Variants in TNPO1 observed in about 807,000 individuals in gnomAD.
The protein encoded by TNPO1 is transportin-1.
Under a neutral mutation model 119.5 loss-of-function variants are expected in TNPO1, and 8 were observed. The observed-to-expected ratio is 0.07, with a 90% CI of 0.04 to 0.12. TNPO1 has a LOEUF of 0.12. Among genes scored for constraint, TNPO1 ranks in the 10% least tolerant of loss-of-function variants. The pLI is 1.00. For synonymous variants in TNPO1, 362 were observed against 363.0 expected, an observed-to-expected ratio of 1.00 and a Z score of 0.03; for missense variants, 576 against 1,089.8, an observed-to-expected ratio of 0.53 and a Z score of 6.64.
At chr5:72,864,769 C>G (rs1163227677) in intron 5 of TNPO1, among the ~76,000 whole-genome samples, 1 of 151,996 alleles carries the variant, frequency 6.6e-6, no homozygotes, top group African/African-American at 2.4e-5. Context: ...CCACCACGCC[C>G]AGCTAATTTT....
Position 72,906,741 on chromosome 5 carries a change from T to C in TNPO1, c.*35+1296T>C, listed in dbSNP as rs139498482. Among the ~76,000 whole-genome samples the C allele has an allele frequency of 2.0e-3, 304 of 152,340 alleles. 3 individuals carry two copies. Among genetic ancestry groups the C allele is most frequent in the African/African-American group, 7.0e-3 (293 of 41,564 alleles). On this transcript the variant is annotated intron_variant, in intron 24 of 24. Transcript: ENST00000337273. ...GAGCTTCGGTTTTGTCATTGAGTTA[T>C]GTTGAGGATTAAATACTATACTGTA...
intron 4 of TNPO1, among the ~76,000 whole-genome samples, chr5:72,857,046 C>T (rs1018148912): frequency 6.6e-6 from 1 of 152,126 alleles, no homozygotes; most frequent in Admixed American, 6.6e-5. Flanking sequence ...CCTGACTGGG[C>T]ACGATGGCTC....
chr5:72,848,126 A>G (rs934107052), intron 1 of TNPO1: 11 of 1,165,294 alleles, frequency 9.4e-6, no homozygotes, highest in Non-Finnish European at 1.2e-5. Flanking sequence ...GCGGTGACTC[A>G]GTCTGGTCGG....
intron 9 of TNPO1, 81 bp downstream of exon 9, chr5:72,877,427 ATTC>A (rs1747878010): frequency 1.4e-6 from 1 of 720,360 alleles, no homozygotes; most frequent in Non-Finnish European, 2.2e-6. Context: ...TATAAAATTC[ATTC>A]TTTTGCCATC....
At position 72,865,712 on chromosome 5, in the gene TNPO1, T is replaced by C. The variant is rs1561323883; in HGVS notation, c.579T>C (p.His193=). 4 of 1,613,626 alleles carry C rather than the reference T, an allele frequency of 2.5e-6. No individual in the cohort carries two copies. Among genetic ancestry groups the C allele is most frequent in the Non-Finnish European group, 2.5e-6 (3 of 1,179,812 alleles). The stretch of plus-strand genomic sequence containing the variant: ...CCAAATTTTTACAGTTCTTCAAGCA[T>C]AGTAGTCCAAAAATAAGGTACTTAT... The part of the protein sequence containing the change: ...MIPKFLQFFK[H]SSPKIRSHAV... The change falls in exon 6 of 25, where the codon CAT becomes CAC. Residue 193 remains histidine (H), a synonymous_variant. Coordinates refer to ENST00000337273, the MANE Select transcript of TNPO1 (RefSeq NM_002270.4).
At chr5:72,861,448 C>T (rs1746440381) in intron 4 of TNPO1, among the ~76,000 whole-genome samples, 1 of 152,166 alleles carries the variant, frequency 6.6e-6, no homozygotes, top group Non-Finnish European at 1.5e-5. Context: ...TCTGCCCAGG[C>T]ATGAGTGTGG....
intron 4 of TNPO1, among the ~76,000 whole-genome samples, chr5:72,856,441 C>T (rs1746004416): frequency 6.6e-6 from 1 of 152,054 alleles, no homozygotes; most frequent in Non-Finnish European, 1.5e-5. Context: ...CCATGTTGGC[C>T]AGGCTGGTCT....
intron 18 of TNPO1, among the ~76,000 whole-genome samples, chr5:72,894,652 C>T (rs1749295020): frequency 6.6e-6 from 1 of 152,150 alleles, no homozygotes; most frequent in Admixed American, 6.5e-5. Context: ...GCCTGGGCAA[C>T]AGAGCAAGAC....
At chr5:72,898,983 G>T (rs1749633945) in intron 20 of TNPO1, among the ~76,000 whole-genome samples, 1 of 152,012 alleles carries the variant, frequency 6.6e-6, no homozygotes, top group Non-Finnish European at 1.5e-5. Flanking sequence ...TTCCTGTTGT[G>T]TATGAATGTA....
chr5:72,883,750 TTTTTG>T (rs1199778117), intron 11 of TNPO1, among the ~76,000 whole-genome samples: 1 of 152,094 alleles, frequency 6.6e-6, no homozygotes, highest in African/African-American at 2.4e-5. Context: ...TTTGTTTGTT[TTTTTG>T]TTTTGAGGCA....
chr5:72,902,695 A>G (rs1396169835), intron 22 of TNPO1, among the ~76,000 whole-genome samples: 5 of 152,106 alleles, frequency 3.3e-5, no homozygotes. Flanking sequence ...ATTGTTACCA[A>G]CTTAAGAGTT....
intron 20 of TNPO1, among the ~76,000 whole-genome samples, chr5:72,898,447 A>T (rs1391981187): frequency 6.6e-6 from 1 of 152,116 alleles, no homozygotes; most frequent in Non-Finnish European, 1.5e-5. Context: ...GATTAAATTG[A>T]TATTATTGAG....
chr5:72,864,138 TA>T (rs202045180), intron 5 of TNPO1, among the ~76,000 whole-genome samples: 64 of 149,252 alleles, frequency 4.3e-4, no homozygotes, highest in African/African-American at 1.3e-3. Flanking sequence ...AAAGCTTTTT[TA>T]AAAAAAAAAC....
intron 1 of TNPO1, among the ~76,000 whole-genome samples, chr5:72,835,261 T>C (rs1234552281): frequency 2.0e-5 from 3 of 152,268 alleles, no homozygotes; most frequent in Non-Finnish European, 2.9e-5. Context: ...TCCATTTTTT[T>C]CTTTGTTCTT....
chr5:72,845,443 C>T (rs1187711300), intron 1 of TNPO1, among the ~76,000 whole-genome samples: 1 of 152,100 alleles, frequency 6.6e-6, no homozygotes, highest in Non-Finnish European at 1.5e-5. Flanking sequence ...AAGATTCTTC[C>T]TTATTTTAAT....
Position 72,905,431 on chromosome 5 carries a change from G to C in TNPO1, c.*21G>C. Reference sequence around the variant, plus strand: ...TTTAATCTAATACACTTAAGCTGCAGTCCCAAAATTAGGGGTAAGTTATAA... The same window carrying C: ...TTTAATCTAATACACTTAAGCTGCACTCCCAAAATTAGGGGTAAGTTATAA... On this transcript the variant is annotated 3_prime_UTR_variant, in exon 24 of 25. Coordinates refer to ENST00000337273, the MANE Select transcript of TNPO1 (RefSeq NM_002270.4). The C allele has an allele frequency of 6.5e-7, 1 of 1,536,746 alleles. No individual in the cohort carries two copies. Among genetic ancestry groups the C allele is most frequent in the South Asian group, 1.2e-5 (1 of 83,624 alleles).
intron 12 of TNPO1, among the ~76,000 whole-genome samples, chr5:72,887,780 T>C (rs1241725948): frequency 6.6e-6 from 1 of 152,220 alleles, no homozygotes; most frequent in Non-Finnish European, 1.5e-5. Flanking sequence ...CTTGATTCTT[T>C]AGGTAAGTAT....
At chr5:72,817,846 C>T (rs141049738) in intron 1 of TNPO1, among the ~76,000 whole-genome samples, 4 of 152,282 alleles carry the variant, frequency 2.6e-5, no homozygotes, top group South Asian at 2.1e-4. Context: ...TTAAGTTTCC[C>T]TGTTATATCA....
intron 1 of TNPO1, among the ~76,000 whole-genome samples, chr5:72,833,950 A>G (rs1306060441): frequency 6.6e-6 from 1 of 152,148 alleles, no homozygotes; most frequent in Non-Finnish European, 1.5e-5. Flanking sequence ...GACCATCTCT[A>G]TAGAATTTTC....
Sources: gnomAD v4.1 joint callset for allele counts (sites outside exome capture counted in the v4.1 genomes callset) on GRCh38, gnomAD v4.1.1 for gene constraint, MANE v1.5 for transcripts, NCBI Gene and HGNC (gene_info 2026-07-23, HGNC 2026-07-21) for gene names.